Variants in SAMD3 observed in about 807,000 individuals in gnomAD.
The protein encoded by SAMD3 is sterile alpha motif domain-containing protein 3.
SAMD3 carries 63 observed loss-of-function variants against 58.5 expected under a neutral mutation model. That is an observed-to-expected ratio of 1.08 (90% CI 0.88 to 1.33). The LOEUF is 1.33. Among genes scored for constraint, SAMD3 ranks in the 40% most tolerant of loss-of-function variants. SAMD3 has a pLI of 0.00. For synonymous variants in SAMD3, 220 were observed against 210.3 expected (o/e 1.05, Z -0.40); for missense variants, 604 against 608.4 (o/e 0.99, Z 0.08).
intron 3 of SAMD3, among the ~76,000 whole-genome samples, chr6:130,214,984 C>T (rs1402952799): frequency 6.6e-6 from 1 of 152,102 alleles, no homozygotes; most frequent in Admixed American, 6.6e-5. Flanking sequence ...TATTTGAGTT[C>T]TTAAAATATT....
Position 130,357,014 on chromosome 6 carries a change from T to A in SAMD3, c.-304+8106A>T, listed in dbSNP as rs546609235. Among the ~76,000 whole-genome samples, 13 of 152,190 alleles carry A rather than the reference T, an allele frequency of 8.5e-5. No homozygotes were observed. The South Asian group carries it at 2.3e-3, about 27-fold the overall frequency. On this transcript the variant is annotated intron_variant, in intron 1 of 13. Transcript: ENST00000368134. ...CCTTTGTATCTACTGTATCATGAAGTGGGCACATAGGTCAAATCATTAGAT... is the reference window on the plus strand; with the variant it reads ...CCTTTGTATCTACTGTATCATGAAGAGGGCACATAGGTCAAATCATTAGAT...
chr6:130,276,238 A>G (rs1324778389), intron 2 of SAMD3, among the ~76,000 whole-genome samples: 2 of 152,208 alleles, frequency 1.3e-5, no homozygotes, highest in Non-Finnish European at 2.9e-5. Context: ...ACTCAGGCCT[A>G]ATGATACCTT....
rs117112395 is a variant in SAMD3 at position 130,250,110 on chromosome 6, A to G, written c.-187-27297T>C. ...AGCTCTGCAACAGTTACATACAGCT[A>G]TGGGTGTAGACTGGAATCACCAACA... On this transcript the variant is annotated intron_variant, in intron 2 of 13. Coordinates refer to the SAMD3 transcript ENST00000368134. Among the ~76,000 whole-genome samples, 477 of 152,302 alleles carry G rather than the reference A, an allele frequency of 3.1e-3. 6 individuals are homozygous for G. The highest frequency in any genetic ancestry group is 5.1e-3 in the Non-Finnish European group (344 of 68,020).
chr6:130,365,577 C>A (rs1213795000), upstream of SAMD3: 8 of 985,252 alleles, frequency 8.1e-6, no homozygotes, highest in African/African-American at 1.7e-5. Context: ...TCGGCTGGAG[C>A]TCCCCAGCCG....
At chr6:130,151,072 T>C (rs1789125076) in intron 9 of SAMD3, among the ~76,000 whole-genome samples, 1 of 152,084 alleles carries the variant, frequency 6.6e-6, no homozygotes, top group African/African-American at 2.4e-5. Context: ...CCCCAGGGGA[T>C]CCGTGTGTAG....
intron 5 of SAMD3, among the ~76,000 whole-genome samples, chr6:130,188,256 G>C (rs1210411799): frequency 6.6e-6 from 1 of 152,170 alleles, no homozygotes; most frequent in African/African-American, 2.4e-5. Flanking sequence ...TTAAGAACGG[G>C]CTCAGGTGAG....
chr6:130,187,386 C>T (rs1793101486), intron 5 of SAMD3, among the ~76,000 whole-genome samples: 1 of 151,716 alleles, frequency 6.6e-6, no homozygotes. Context: ...TGTAGCTAGA[C>T]ATATAAAGGA....
In SAMD3 at chr6:130,331,237, C is replaced by T. The variant is rs564281328; in HGVS notation, c.-303-18144G>A. Among the ~76,000 whole-genome samples the T allele has an allele frequency of 2.2e-4, 34 of 152,320 alleles. No homozygotes were observed. In the South Asian group the frequency reaches 7.0e-3, roughly 32 times the overall value. On this transcript the variant is annotated intron_variant, in intron 1 of 13. Transcript: ENST00000368134. ...GTTTACTATGATCATTGACATTCAA[C>T]ATTGCTTTGGATATTCTGTACAATC...
intron 2 of SAMD3, among the ~76,000 whole-genome samples, chr6:130,302,446 T>C (rs1387218586): frequency 6.6e-6 from 1 of 152,104 alleles, no homozygotes; most frequent in African/African-American, 2.4e-5. Flanking sequence ...GGCAAAGATA[T>C]GAAGAAAAGA....
At chr6:130,241,068 G>C (rs1430591689) in intron 2 of SAMD3, among the ~76,000 whole-genome samples, 2 of 152,112 alleles carry the variant, frequency 1.3e-5, no homozygotes, top group East Asian at 1.9e-4. Flanking sequence ...CCTGGCCAAA[G>C]GAGGCAACAA....
chr6:130,260,916 G>T (rs540153031), intron 2 of SAMD3, among the ~76,000 whole-genome samples: 1 of 152,198 alleles, frequency 6.6e-6, no homozygotes, highest in African/African-American at 2.4e-5. Context: ...TGTTTGAGTG[G>T]AAGTGTGGTC....
intron 1 of SAMD3, among the ~76,000 whole-genome samples, chr6:130,346,895 G>A (rs138256893): frequency 3.7e-4 from 56 of 152,132 alleles, no homozygotes; most frequent in African/African-American, 1.3e-3. Flanking sequence ...CCAGAGGAAC[G>A]ATCAGGCAGC....
At chr6:130,143,436 G>A (rs539078531), downstream of SAMD3, among the ~76,000 whole-genome samples, 13 of 152,192 alleles carry the variant, frequency 8.5e-5, no homozygotes, top group East Asian at 5.8e-4. Flanking sequence ...TAGAGACAGC[G>A]TTTCACATTA....
At chr6:130,223,762 G>C (rs1427753206), upstream of SAMD3, among the ~76,000 whole-genome samples, 1 of 152,176 alleles carries the variant, frequency 6.6e-6, no homozygotes, top group Admixed American at 6.5e-5. Context: ...GCAGGTCATG[G>C]GGAGCATGGG....
chr6:130,214,391 G>T lies in SAMD3; in HGVS notation c.215C>A (p.Ser72Tyr). Reference protein sequence around the residue: ...KYKQNTQGLKSPENPKKAALV... With the variant: ...KYKQNTQGLKYPENPKKAALV... ...GGCTGCCTTTTTGGGGTTTTCTGGGGACTTCAGTCCTTGAGTGTTCTGCTT... is the reference window on the plus strand; with the variant it reads ...GGCTGCCTTTTTGGGGTTTTCTGGGTACTTCAGTCCTTGAGTGTTCTGCTT... The change falls in exon 4 of 12, where the codon TCC becomes TAC. Residue 72 changes from serine to tyrosine, a missense_variant. Ser to Tyr is a moderately radical substitution (Grantham distance 144). Transcript: ENST00000439090. 6.2e-7 allele frequency: 1 copy of T among 1,610,550 alleles called. No individual in the cohort carries two copies. Among genetic ancestry groups the T allele is most frequent in the Non-Finnish European group, 8.5e-7 (1 of 1,178,368 alleles).
intron 2 of SAMD3, among the ~76,000 whole-genome samples, chr6:130,276,919 G>T (rs1196792592): frequency 6.6e-6 from 1 of 152,048 alleles, no homozygotes; most frequent in African/African-American, 2.4e-5. Flanking sequence ...TCAGCCTCAG[G>T]GTGGGGGCCA....
At chr6:130,357,540 G>C (rs1401627452) in intron 1 of SAMD3, among the ~76,000 whole-genome samples, 1 of 152,142 alleles carries the variant, frequency 6.6e-6, no homozygotes, top group Non-Finnish European at 1.5e-5. Flanking sequence ...CAAACCACCT[G>C]TACTCCTGTT....
At chr6:130,321,713 A>ATG (rs199747625) in intron 1 of SAMD3, among the ~76,000 whole-genome samples, 73,521 of 151,602 alleles carry the variant, frequency 0.48, 21,856 homozygotes, top group African/African-American at 0.85. Flanking sequence ...CCCCAATAAA[A>ATG]TAAGATGAGA....
At chr6:130,248,560 C>G (rs920385524) in intron 2 of SAMD3, among the ~76,000 whole-genome samples, 1 of 152,166 alleles carries the variant, frequency 6.6e-6, no homozygotes, top group Non-Finnish European at 1.5e-5. Flanking sequence ...CCCAGGGATG[C>G]CAGTCTACTC....
Sources: gnomAD v4.1 joint callset for allele counts (sites outside exome capture counted in the v4.1 genomes callset) on GRCh38, gnomAD v4.1.1 for gene constraint, MANE v1.5 for transcripts, NCBI Gene and HGNC (gene_info 2026-07-23, HGNC 2026-07-21) for gene names.